SGCZ: variants seen among roughly 807,000 people sequenced by gnomAD.
The protein encoded by SGCZ is zeta-sarcoglycan.
Under a neutral mutation model 41.3 loss-of-function variants are expected in SGCZ, and 40 were observed. The ratio of observed to expected loss-of-function variants is 0.97; its 90% CI spans 0.75 to 1.26. The LOEUF is 1.26. Ranked by LOEUF, SGCZ falls within the 50% of genes most tolerant of loss-of-function variation. SGCZ has a pLI of 0.00. For synonymous variants in SGCZ, 206 were observed against 137.5 expected, an observed-to-expected ratio of 1.50 and a Z score of -3.49; for missense variants, 552 against 369.8, an observed-to-expected ratio of 1.49 and a Z score of -4.04.
At chr8:14,570,460 G>C (rs938363029) in intron 1 of SGCZ, among the ~76,000 whole-genome samples, 1 of 152,136 alleles carries the variant, frequency 6.6e-6, no homozygotes, top group Non-Finnish European at 1.5e-5. Context: ...ATTTATGCAA[G>C]GGTAGATTCA....
intron 4 of SGCZ, among the ~76,000 whole-genome samples, chr8:14,217,770 C>T (rs963256114): frequency 6.6e-6 from 1 of 151,048 alleles, no homozygotes; most frequent in Non-Finnish European, 1.5e-5. Flanking sequence ...GCTGCGATTA[C>T]AGGTGAACAC....
At chr8:15,163,274 T>C (rs1799567465) in intron 1 of SGCZ, among the ~76,000 whole-genome samples, 1 of 152,240 alleles carries the variant, frequency 6.6e-6, no homozygotes, top group Non-Finnish European at 1.5e-5. Context: ...ACACAACGTC[T>C]TATGAGGTAG....
At chr8:14,997,531 C>T (rs79292071) in intron 1 of SGCZ, among the ~76,000 whole-genome samples, 3,315 of 152,198 alleles carry the variant, frequency 0.022, 140 homozygotes, top group African/African-American at 0.075. Flanking sequence ...ATCATATAAT[C>T]GAGCTGCAAT....
intron 1 of SGCZ, among the ~76,000 whole-genome samples, chr8:14,891,643 C>A (rs955780949): frequency 8.5e-5 from 13 of 152,164 alleles, no homozygotes; most frequent in African/African-American, 3.1e-4. Flanking sequence ...AGAGGGAGGT[C>A]TGGAGAGGAA....
intron 1 of SGCZ, among the ~76,000 whole-genome samples, chr8:15,069,747 C>T (rs28750235): frequency 0.37 from 56,699 of 152,064 alleles, 11,264 homozygotes; most frequent in African/African-American, 0.52. Context: ...TCCCAGAGAA[C>T]TCATTTCTCA....
At chr8:14,477,587 C>T (rs1448086442) in intron 2 of SGCZ, among the ~76,000 whole-genome samples, 1 of 152,088 alleles carries the variant, frequency 6.6e-6, no homozygotes, top group East Asian at 1.9e-4. Context: ...CTAAATCTGT[C>T]TAAAACAATA....
chr8:15,098,409 A>C (rs958328128), intron 1 of SGCZ, among the ~76,000 whole-genome samples: 59 of 152,314 alleles, frequency 3.9e-4, no homozygotes, highest in African/African-American at 1.4e-3. Context: ...TCCCAGACCC[A>C]AACAAATTTT....
At chr8:14,734,087 ATCATGGAC>A (rs1798953449) in intron 1 of SGCZ, among the ~76,000 whole-genome samples, 2 of 152,218 alleles carry the variant, frequency 1.3e-5, no homozygotes, top group African/African-American at 4.8e-5. Flanking sequence ...GGAAACAGCA[ATCATGGAC>A]GCTGTTAAGA....
intron 1 of SGCZ, among the ~76,000 whole-genome samples, chr8:14,807,524 G>A (rs1008309649): frequency 8.9e-4 from 135 of 151,816 alleles, no homozygotes; most frequent in Admixed American, 2.2e-3. Context: ...AACTTACAAG[G>A]GATGTGAAGG....
At chr8:14,297,766 T>C (rs779177409) in intron 3 of SGCZ, among the ~76,000 whole-genome samples, 22 of 151,996 alleles carry the variant, frequency 1.4e-4, no homozygotes, top group African/African-American at 4.6e-4. Flanking sequence ...GAAAGCTCAG[T>C]TGGTAATTTA....
intron 2 of SGCZ, among the ~76,000 whole-genome samples, chr8:14,400,124 C>T (rs1298407978): frequency 2.6e-5 from 4 of 152,026 alleles, no homozygotes; most frequent in African/African-American, 9.7e-5. Flanking sequence ...AACAGGTGAT[C>T]TTTTGTGAGT....
intron 2 of SGCZ, among the ~76,000 whole-genome samples, chr8:14,376,288 G>T (rs1331233768): frequency 2.6e-5 from 4 of 151,956 alleles, no homozygotes; most frequent in Non-Finnish European, 5.9e-5. Flanking sequence ...TCTAGCCTGG[G>T]CAACAGAGCG....
chr8:14,604,806 C>T lies in SGCZ; in HGVS notation c.40-49880G>A, dbSNP rs988114507. On this transcript the variant is annotated intron_variant, in intron 1 of 7. Transcript: ENST00000382080. ...AAAGAAGAAATAGTCCATGGAAATTCAAGTCACTGTTAGACACCACAGCGT... is the reference window on the plus strand; with the variant it reads ...AAAGAAGAAATAGTCCATGGAAATTTAAGTCACTGTTAGACACCACAGCGT... Among the ~76,000 whole-genome samples the T allele has an allele frequency of 2.0e-5, 3 of 152,276 alleles. No individual in the cohort carries two copies. In the East Asian group the frequency reaches 5.8e-4, roughly 29 times the overall value.
intron 1 of SGCZ, among the ~76,000 whole-genome samples, chr8:14,818,062 C>A (rs533129298): frequency 6.6e-6 from 1 of 152,306 alleles, no homozygotes; most frequent in East Asian, 1.9e-4. Context: ...TGAAGCCATC[C>A]GGCCCTTCTG....
At chr8:14,963,261 G>T (rs1309322769) in intron 1 of SGCZ, among the ~76,000 whole-genome samples, 1 of 152,066 alleles carries the variant, frequency 6.6e-6, no homozygotes, top group Non-Finnish European at 1.5e-5. Context: ...ATGAAAAAAT[G>T]GAATTAGATT....
intron 3 of SGCZ, among the ~76,000 whole-genome samples, chr8:14,243,811 C>T (rs186051255): frequency 6.6e-6 from 1 of 152,122 alleles, no homozygotes; most frequent in South Asian, 2.1e-4. Flanking sequence ...ATTCACCTCC[C>T]ACCCTTCAGT....
rs747366334 is a variant in SGCZ, at chr8:14,870,088, C to T, written c.40-315162G>A. On this transcript the variant is annotated intron_variant, in intron 1 of 7. Coordinates refer to ENST00000382080, the MANE Select transcript of SGCZ (RefSeq NM_139167.4). ...AACTAGAAAAAAATACTTTAAATTT[C>T]ATATGGAACCAAAAAAGAGCCAGTA... Among the ~76,000 whole-genome samples, 34 of 152,240 alleles carry T rather than the reference C, an allele frequency of 2.2e-4. 1 individual carries two copies. The highest frequency in any genetic ancestry group is 1.2e-3 in the Admixed American group (18 of 15,284).
At chr8:14,093,872 ATCCATTT>A (rs1801762868) in intron 7 of SGCZ, among the ~76,000 whole-genome samples, 1 of 152,084 alleles carries the variant, frequency 6.6e-6, no homozygotes, top group Non-Finnish European at 1.5e-5. Flanking sequence ...TATAGTAAAA[ATCCATTT>A]GTAATGTTAC....
At chr8:14,378,189 C>T (rs1190771644) in intron 2 of SGCZ, among the ~76,000 whole-genome samples, 3 of 150,452 alleles carry the variant, frequency 2.0e-5, no homozygotes, top group Non-Finnish European at 2.9e-5. Flanking sequence ...TCTCCAGCAC[C>T]TGTTGTTTCC....
Sources: allele counts gnomAD v4.1 joint callset (sites outside exome capture counted in the v4.1 genomes callset), GRCh38; gene constraint gnomAD v4.1.1; transcripts MANE v1.5; gene names NCBI Gene and HGNC (gene_info 2026-07-23, HGNC 2026-07-21).